AP2A1: variants seen among roughly 807,000 people sequenced by gnomAD.
AP2A1 encodes the protein AP-2 complex subunit alpha-1.
Under a neutral mutation model 107.3 loss-of-function variants are expected in AP2A1, and 21 were observed. The ratio of observed to expected loss-of-function variants is 0.20; its 90% confidence interval spans 0.14 to 0.28. The LOEUF is 0.28. Ranked by LOEUF, AP2A1 falls within the 10% of genes least tolerant of loss-of-function variation. The pLI is 1.00. For missense variants in AP2A1, 873 were observed against 1,307.7 expected, an observed-to-expected ratio of 0.67 and a Z score of 5.13; for synonymous variants, 602 against 564.8, an observed-to-expected ratio of 1.07 and a Z score of -0.93.
At chr19:49,771,323 A>G (rs994264054) in intron 1 of AP2A1, among the ~76,000 whole-genome samples, 1 of 151,468 alleles carries the variant, frequency 6.6e-6, no homozygotes, top group African/African-American at 2.4e-5. Context: ...AAAAAAAAAA[A>G]AAAGAAAGGT....
chr19:49,779,013 T>G (rs2084645276), intron 1 of AP2A1, among the ~76,000 whole-genome samples: 1 of 138,896 alleles, frequency 7.2e-6, no homozygotes, highest in Non-Finnish European at 1.5e-5. Context: ...CTGGGCAACA[T>G]AGTAAGACCT....
chr19:49,801,338 C>A, intron 12 of AP2A1, 52 bp from the exon 13 acceptor site: 1 of 1,554,788 alleles, frequency 6.4e-7, no homozygotes, highest in South Asian at 1.1e-5. Context: ...GAGGGGGTTT[C>A]TGGGAGAGGG....
chr19:49,795,592 CCCCAG>C, intron 6 of AP2A1, 33 bp from the exon 7 acceptor site: 2 of 854,024 alleles, frequency 2.3e-6, no homozygotes, highest in Non-Finnish European at 3.8e-6. Context: ...GCCCCTCCCA[CCCCAG>C]CCCCCAACTT....
Position 49,782,589 on chromosome 19 carries a change from A to C in AP2A1, c.338A>C (p.Asn113Thr). ...NSNSELIRLI[N>T]NAIKNDLASR... ...AACTCGGAGCTGATCCGCCTCATCA[A>C]CAACGCCATCAAGAATGACCTGGCC... Residue 113 changes from asparagine to threonine, a missense_variant, in exon 4 of 23, where the codon AAC becomes ACC. By Grantham distance (65) the Asn-to-Thr change is moderately conservative. Coordinates refer to ENST00000354293, the MANE Select transcript of AP2A1 (RefSeq NM_130787.3). The C allele has an allele frequency of 1.2e-6, 2 of 1,613,960 alleles. No individual in the cohort carries two copies. Among genetic ancestry groups the C allele is most frequent in the Non-Finnish European group, 1.7e-6 (2 of 1,179,854 alleles).
chr19:49,774,299 G>A (rs921862828), intron 1 of AP2A1, among the ~76,000 whole-genome samples: 2 of 152,096 alleles, frequency 1.3e-5, no homozygotes, highest in African/African-American at 4.8e-5. Flanking sequence ...TGGCCTCATG[G>A]CACTGGTGTT....
chr19:49,769,346 A>C lies in AP2A1; in HGVS notation c.67+2146A>C, dbSNP rs924685657. On this transcript the variant is annotated intron_variant, in intron 1 of 22. Transcript: ENST00000354293. ...ATGCACAGGGAACACCCTGATATAC[A>C]ACCTCAGGACCTGACTGGTTCTGTG... 2.0e-5 allele frequency among the ~76,000 whole-genome samples: 3 copies of C among 152,202 alleles called. No individual in the cohort carries two copies. In the East Asian group the frequency reaches 5.8e-4, roughly 29 times the overall value.
At chr19:49,791,889 G>T in intron 4 of AP2A1, 46 bp from the exon 5 acceptor site, 1 of 1,557,164 alleles carries the variant, frequency 6.4e-7, no homozygotes. Flanking sequence ...GTGCAGGGCT[G>T]GGGTCACTGA....
chr19:49,791,892 G>T (rs750431286), intron 4 of AP2A1, 43 bp from the exon 5 acceptor site: 1 of 1,561,120 alleles, frequency 6.4e-7, no homozygotes, highest in Admixed American at 1.8e-5. Context: ...CAGGGCTGGG[G>T]TCACTGACTC....
At chr19:49,783,996 C>T (rs1208601716) in intron 4 of AP2A1, among the ~76,000 whole-genome samples, 3 of 152,156 alleles carry the variant, frequency 2.0e-5, no homozygotes, top group African/African-American at 4.8e-5. Flanking sequence ...GAAGCAAACA[C>T]GAGCCTTTTC....
At chr19:49,771,303 TAAAAA>T (rs902347385) in intron 1 of AP2A1, among the ~76,000 whole-genome samples, 6 of 98,036 alleles carry the variant, frequency 6.1e-5, no homozygotes, top group African/African-American at 2.4e-4. Context: ...CCTCATCTCT[TAAAAA>T]AAAAAAAAAA....
intron 18 of AP2A1, 199 bp downstream of exon 18, chr19:49,803,575 G>A (rs1386189312): frequency 8.3e-6 from 5 of 602,272 alleles, no homozygotes; most frequent in Non-Finnish European, 1.5e-5. Flanking sequence ...GTGAAGTGGT[G>A]TGTGGGAGGC....
chr19:49,771,452 GAC>G (rs976648415), intron 1 of AP2A1, among the ~76,000 whole-genome samples: 8 of 140,464 alleles, frequency 5.7e-5, no homozygotes, highest in Admixed American at 1.4e-4. Context: ...TTTTTTTTGT[GAC>G]AGTCACAAAA....
chr19:49,800,777 C>T, intron 11 of AP2A1, 184 bp from the exon 12 acceptor site: 1 of 541,896 alleles, frequency 1.8e-6, no homozygotes, highest in Non-Finnish European at 3.2e-6. Flanking sequence ...GGCCCACAGC[C>T]CTGTTTTACT....
intron 1 of AP2A1, among the ~76,000 whole-genome samples, chr19:49,767,639 C>T (rs566006241): frequency 1.3e-5 from 2 of 151,922 alleles, no homozygotes; most frequent in Non-Finnish European, 1.5e-5. Context: ...AGTGGAATGC[C>T]GGAAGCCTAA....
intron 4 of AP2A1, among the ~76,000 whole-genome samples, chr19:49,784,731 TG>T: frequency 6.6e-6 from 1 of 151,514 alleles, no homozygotes; most frequent in East Asian, 2.0e-4. Flanking sequence ...ATTAGCCGGG[TG>T]GGGTGCTGTG....
chr19:49,796,112 C>T (rs796328204), intron 7 of AP2A1: 3 of 248,210 alleles, frequency 1.2e-5, no homozygotes, highest in African/African-American at 6.7e-5. Flanking sequence ...GGCCGTGCTA[C>T]CTGAATTACC....
intron 1 of AP2A1, among the ~76,000 whole-genome samples, chr19:49,779,153 G>T (rs1485859489): frequency 6.6e-6 from 1 of 151,696 alleles, no homozygotes; most frequent in African/African-American, 2.4e-5. Context: ...TGGCTAACAT[G>T]CTGAAACCCC....
rs1030271040 is a variant in AP2A1 at position 49,778,681 on chromosome 19, G to A, written c.68-3076G>A. ...ATCTAAACATAGAAAAGGAGCAGTC[G>A]AAATAAGGCATTAGAATCGTATGGA... On this transcript the variant is annotated intron_variant, in intron 1 of 22. Transcript: ENST00000354293. Among the ~76,000 whole-genome samples, 6 of 152,146 alleles carry A rather than the reference G, an allele frequency of 3.9e-5. No homozygotes were observed. The South Asian group carries it at 8.3e-4, about 21-fold the overall frequency.
chr19:49,771,819 C>T (rs927325833), intron 1 of AP2A1, among the ~76,000 whole-genome samples: 2 of 152,088 alleles, frequency 1.3e-5, no homozygotes, highest in African/African-American at 2.4e-5. Context: ...CAGCGAGCTG[C>T]GGCCTGGCTT....
Sources: gnomAD v4.1 joint callset for allele counts (sites outside exome capture counted in the v4.1 genomes callset) on GRCh38, gnomAD v4.1.1 for gene constraint, MANE v1.5 for transcripts, NCBI Gene and HGNC (gene_info 2026-07-23, HGNC 2026-07-21) for gene names.